Variants in TYR observed in about 807,000 individuals in gnomAD.
TYR encodes the protein tyrosinase, also known as LB24-AB.
A neutral mutation model predicts 51.5 loss-of-function variants in TYR; 58 were observed. The ratio of observed to expected loss-of-function variants is 1.13; its 90% confidence interval spans 0.91 to 1.40. The LOEUF is 1.40. TYR is among the 40% of genes most tolerant of loss of function. The pLI is 0.00. For missense variants in TYR, 732 were observed against 647.4 expected, an observed-to-expected ratio of 1.13 and a Z score of -1.42; for synonymous variants, 263 against 235.2, an observed-to-expected ratio of 1.12 and a Z score of -1.08.
rs533050273 is a variant in TYR, at chr11:89,228,049, T to C, written c.1184+79T>C. On this transcript the variant is annotated intron_variant, in intron 3 of 4. Coordinates refer to ENST00000263321, the MANE Select transcript of TYR (RefSeq NM_000372.5). Reference sequence around the variant, plus strand: ...GCCTATCAAATGTGATTTAAGTTATTAAATAAAAGCTAAGAAGTTATGGTA... The same window carrying C: ...GCCTATCAAATGTGATTTAAGTTATCAAATAAAAGCTAAGAAGTTATGGTA... The C allele has an allele frequency of 7.7e-6, 12 of 1,552,150 alleles. No homozygotes were observed. In the Admixed American group the frequency reaches 1.8e-4, roughly 24 times the overall value.
intron 1 of TYR, among the ~76,000 whole-genome samples, chr11:89,185,340 AT>A (rs1414802605): frequency 6.6e-6 from 1 of 152,168 alleles, no homozygotes; most frequent in Non-Finnish European, 1.5e-5. Flanking sequence ...AATATATTCT[AT>A]GGTAAAGGTG....
intron 2 of TYR, among the ~76,000 whole-genome samples, chr11:89,220,224 G>C (rs1028402174): frequency 6.6e-6 from 1 of 152,118 alleles, no homozygotes; most frequent in Admixed American, 6.5e-5. Flanking sequence ...TGGCTTCTGG[G>C]GAGGCTGAAA....
chr11:89,179,956 G>A (rs746374984), intron 1 of TYR, among the ~76,000 whole-genome samples: 6 of 152,136 alleles, frequency 3.9e-5, no homozygotes, highest in Admixed American at 6.5e-5. Flanking sequence ...TGAATGGGAT[G>A]GGAAGAATCT....
At chr11:89,252,156 T>G (rs1051480293) in intron 3 of TYR, among the ~76,000 whole-genome samples, 1 of 151,856 alleles carries the variant, frequency 6.6e-6, no homozygotes, top group African/African-American at 2.4e-5. Context: ...GATATATGGC[T>G]TTCTGTTCTA....
chr11:89,244,655 C>G (rs979440497), intron 3 of TYR, among the ~76,000 whole-genome samples: 6 of 152,012 alleles, frequency 3.9e-5, no homozygotes, highest in African/African-American at 1.4e-4. Flanking sequence ...CGATAAATGT[C>G]AGAACAGCAA....
intron 3 of TYR, among the ~76,000 whole-genome samples, chr11:89,249,319 T>C (rs1944304413): frequency 6.6e-6 from 1 of 151,634 alleles, no homozygotes; most frequent in Non-Finnish European, 1.5e-5. Flanking sequence ...AAATTGAGTA[T>C]AAACACAGAA....
At chr11:89,211,913 C>T (rs549256818) in intron 2 of TYR, among the ~76,000 whole-genome samples, 6 of 152,066 alleles carry the variant, frequency 3.9e-5, no homozygotes, top group South Asian at 2.1e-4. Flanking sequence ...AACAAAGACA[C>T]GACGTACCAG....
At position 89,284,774 on chromosome 11, in the gene TYR, A is replaced by G; in HGVS notation, c.1186A>G (p.Ile396Val). The G allele has an allele frequency of 6.2e-7, 1 of 1,611,462 alleles. No homozygotes were observed. Reference protein sequence around the residue: ...FLLHHAFVDSIFEQWLRRHRP... With the variant: ...FLLHHAFVDSVFEQWLRRHRP... Reference sequence around the variant, plus strand: ...TCTGAATAACCTTTTCCTCTGCAGTATTTTTGAGCAGTGGCTCCGAAGGCA... The same window carrying G: ...TCTGAATAACCTTTTCCTCTGCAGTGTTTTTGAGCAGTGGCTCCGAAGGCA... The change falls in exon 4 of 5, where the codon ATT becomes GTT. Residue 396 changes from isoleucine to valine, a missense_variant and splice_region_variant. Coordinates refer to ENST00000263321, the MANE Select transcript of TYR (RefSeq NM_000372.5).
intron 3 of TYR, among the ~76,000 whole-genome samples, chr11:89,230,889 A>G (rs1944037466): frequency 6.8e-6 from 1 of 148,080 alleles, no homozygotes; most frequent in African/African-American, 2.6e-5. Context: ...AAGGACAAGA[A>G]GTATTAGAGA....
chr11:89,284,987 A>T (rs774195401), intron 4 of TYR, 33 bp downstream of exon 4: 8 of 1,576,424 alleles, frequency 5.1e-6, no homozygotes, highest in South Asian at 1.1e-5. Context: ...GGAATTGCTG[A>T]ATCTAGTGTT....
At chr11:89,225,906 T>C (rs1943969882) in intron 2 of TYR, among the ~76,000 whole-genome samples, 1 of 151,994 alleles carries the variant, frequency 6.6e-6, no homozygotes, top group Non-Finnish European at 1.5e-5. Context: ...ATATTCCAAT[T>C]ACTCTGATTT....
chr11:89,274,746 T>G (rs540956127), intron 3 of TYR, among the ~76,000 whole-genome samples: 19 of 151,972 alleles, frequency 1.3e-4, no homozygotes, highest in African/African-American at 4.6e-4. Context: ...TAGGATGCCT[T>G]GTATAAGCCT....
In TYR at chr11:89,295,191, G is replaced by A; in HGVS notation, c.1415G>A (p.Ser472Asn). 2 of 1,614,000 alleles carry A rather than the reference G, an allele frequency of 1.2e-6. No homozygotes were observed. Among genetic ancestry groups the A allele is most frequent in the Non-Finnish European group, 1.7e-6 (2 of 1,179,880 alleles). ...DYIKSYLEQA[S>N]RIWSWLLGAA... is the part of the protein sequence containing the mutation. ...ATTAAGTCCTATTTGGAACAAGCGA[G>A]TCGGATCTGGTCATGGCTCCTTGGG... Residue 472 changes from serine to asparagine, a missense_variant, in exon 5 of 5, where the codon AGT becomes AAT. Ser to Asn is a conservative substitution (Grantham distance 46). Transcript: ENST00000263321.
At chr11:89,180,067 T>TA (rs1565387461) in intron 1 of TYR, among the ~76,000 whole-genome samples, 1 of 152,180 alleles carries the variant, frequency 6.6e-6, no homozygotes, top group Non-Finnish European at 1.5e-5. Flanking sequence ...GAAGTTCATT[T>TA]AAAAAATAGC....
chr11:89,220,348 C>T (rs1194736829), intron 2 of TYR, among the ~76,000 whole-genome samples: 1 of 152,118 alleles, frequency 6.6e-6, no homozygotes, highest in South Asian at 2.1e-4. Flanking sequence ...TGCGAGAACT[C>T]ACTCACTATT....
chr11:89,262,888 CA>C (rs1381107915), intron 3 of TYR, among the ~76,000 whole-genome samples: 1 of 52,808 alleles, frequency 1.9e-5, no homozygotes, highest in Non-Finnish European at 4.0e-5. Context: ...ACAACAACAA[CA>C]AAGAAAATCT....
chr11:89,241,642 T>A (rs1020442128), intron 3 of TYR, among the ~76,000 whole-genome samples: 2 of 151,388 alleles, frequency 1.3e-5, no homozygotes, highest in African/African-American at 4.8e-5. Flanking sequence ...TAAGTTATTA[T>A]CAATATTATT....
chr11:89,190,807 T>G (rs1943433057), intron 1 of TYR, among the ~76,000 whole-genome samples: 2 of 152,114 alleles, frequency 1.3e-5, no homozygotes, highest in African/African-American at 4.8e-5. Context: ...AAAAAAAATT[T>G]TATACTGTAT....
chr11:89,274,485 C>T (rs1944627889), intron 3 of TYR, among the ~76,000 whole-genome samples: 1 of 151,822 alleles, frequency 6.6e-6, no homozygotes, highest in African/African-American at 2.4e-5. Context: ...CTGCTCTGTG[C>T]AAGTATAATG....
Sources: allele counts gnomAD v4.1 joint callset (sites outside exome capture counted in the v4.1 genomes callset), GRCh38; gene constraint gnomAD v4.1.1; transcripts MANE v1.5; gene names NCBI Gene and HGNC (gene_info 2026-07-23, HGNC 2026-07-21).